The following CLASRP variants were observed in gnomAD, a reference collection of about 807,000 sequenced individuals.
CLASRP encodes the protein CLK4 associating serine/arginine rich protein, also known as CLK4-associating serine/arginine rich protein.
Under a neutral mutation model 99.9 loss-of-function variants are expected in CLASRP, and 52 were observed. The observed-to-expected ratio is 0.52, with a 90% confidence interval of 0.42 to 0.66. The LOEUF (loss-of-function observed/expected upper bound fraction) is 0.66, where lower values mean the gene tolerates loss of function less well. Ranked by LOEUF, CLASRP falls within the 30% of genes least tolerant of loss-of-function variation. The probability of loss-of-function intolerance (pLI) is 0.00; values close to 1 mark genes in which losing one functional copy is unlikely to be tolerated. For missense variants in CLASRP, 848 were observed against 999.2 expected (o/e 0.85, Z 2.04); for synonymous variants, 379 against 373.0 (o/e 1.02, Z -0.18).
rs558359134 is a variant in CLASRP at position 45,044,483 on chromosome 19, C to T, written c.99+4172C>T. Among the ~76,000 whole-genome samples, 105 of 152,286 alleles carry T rather than the reference C, an allele frequency of 6.9e-4. 1 individual carries two copies. In the South Asian group the frequency reaches 0.02, roughly 29 times the overall value. On this transcript the variant is annotated intron_variant, in intron 2 of 20. Transcript: ENST00000221455. ...GGCTTACAGTCACATAGCATGAGGG[C>T]AGAGCTGGCACTATAACCCAGTCTC... is the stretch of plus-strand genomic sequence containing the variant.
At chr19:45,066,063 G>C (rs1321688519) in intron 13 of CLASRP, among the ~76,000 whole-genome samples, 1 of 152,140 alleles carries the variant, frequency 6.6e-6, no homozygotes. Flanking sequence ...GTGTCACCCA[G>C]TCTTTCTAGT....
chr19:45,070,564 A>G lies in CLASRP; in HGVS notation c.1982+3A>G, dbSNP rs774732805. ...CGAGAATACAGCTCTTCTCGAAGGT[A>G]AGGAAGCCCATGACCCTCCACTTTC... On this transcript the variant is annotated splice_donor_region_variant and intron_variant, in intron 20 of 20. Transcript: ENST00000221455. The G allele has an allele frequency of 4.3e-6, 7 of 1,613,244 alleles. No homozygotes were observed. The South Asian group carries it at 4.4e-5, about 10-fold the overall frequency.
At chr19:45,061,346 C>T (rs1453557159) in intron 10 of CLASRP, among the ~76,000 whole-genome samples, 1 of 152,208 alleles carries the variant, frequency 6.6e-6, no homozygotes, top group Non-Finnish European at 1.5e-5. Flanking sequence ...GCAGGAACGC[C>T]CAGGCTGGGT....
At chr19:45,044,885 T>C (rs916376055) in intron 2 of CLASRP, among the ~76,000 whole-genome samples, 3 of 152,298 alleles carry the variant, frequency 2.0e-5, no homozygotes, top group South Asian at 2.1e-4. Flanking sequence ...ATCCCACTTA[T>C]CTATAGTGTG....
At chr19:45,070,617 G>T (rs957820561) in intron 20 of CLASRP, 56 bp downstream of exon 20, 2 of 1,534,146 alleles carry the variant, frequency 1.3e-6, no homozygotes, top group African/African-American at 2.7e-5. Context: ...CCTTTGATGG[G>T]AGGTCCTGGC....
chr19:45,058,688 T>G (rs1972168333), intron 7 of CLASRP, among the ~76,000 whole-genome samples: 1 of 152,084 alleles, frequency 6.6e-6, no homozygotes, highest in Admixed American at 6.6e-5. Flanking sequence ...CTCAGCCCAG[T>G]AGCTGGCTCT....
At chr19:45,069,161 G>C (rs1394426804) in intron 17 of CLASRP, 37 bp downstream of exon 17, 2 of 1,614,028 alleles carry the variant, frequency 1.2e-6, no homozygotes, top group South Asian at 1.1e-5. Flanking sequence ...TGACGGGTGG[G>C]TGCTGGCCTG....
intron 13 of CLASRP, among the ~76,000 whole-genome samples, chr19:45,065,837 A>G (rs897641953): frequency 6.6e-5 from 10 of 152,210 alleles, no homozygotes; most frequent in African/African-American, 2.4e-4. Context: ...GAGGTGTAAC[A>G]GGTAAACCCA....
chr19:45,069,220 C>G lies in CLASRP; in HGVS notation c.1846C>G (p.Arg616Gly). ...GCTGCAGGAGCGGGAAGACGAGCTT[C>G]GAGCCATGGCCCGCAAGATCCGCAT... ...HERQEREDEL[R>G]AMARKIRMKE... Residue 616 changes from arginine to glycine, a missense_variant, in exon 18 of 21, where the codon CGA becomes GGA. Around this residue, in one of 8 missense-constraint regions of CLASRP, gnomAD observed 116 missense variants for 162.7 expected, o/e 0.71. Coordinates refer to ENST00000221455, the MANE Select transcript of CLASRP (RefSeq NM_007056.3). The G allele has an allele frequency of 6.2e-7, 1 of 1,613,888 alleles. No homozygotes were observed. Among genetic ancestry groups the G allele is most frequent in the Non-Finnish European group, 8.5e-7 (1 of 1,180,008 alleles).
intron 2 of CLASRP, among the ~76,000 whole-genome samples, chr19:45,045,271 T>C (rs1281386481): frequency 6.6e-6 from 1 of 152,186 alleles, no homozygotes; most frequent in Non-Finnish European, 1.5e-5. Flanking sequence ...ATCCCAGCAC[T>C]TCGGGAGGCC....
chr19:45,062,391 T>C (rs947296826), intron 11 of CLASRP, among the ~76,000 whole-genome samples, 196 bp downstream of exon 11: 16 of 152,224 alleles, frequency 1.1e-4, no homozygotes, highest in African/African-American at 3.9e-4. Context: ...TAAAATTTTT[T>C]TTTTGAGACG....
rs143800882 is a variant in CLASRP at position 45,057,849 on chromosome 19, G to A, written c.564G>A (p.Ala188=). ...AAAAGCCAGAGGAGGAGGAGTCAGCGGCCGAGGAGGAGAGCAACTCGGACG... is the reference window on the plus strand; with the variant it reads ...AAAAGCCAGAGGAGGAGGAGTCAGCAGCCGAGGAGGAGAGCAACTCGGACG... ...AAEKPEEEES[A]AEEESNSDED... Residue 188 remains alanine (A), a synonymous_variant, in exon 7 of 21, where the codon GCG becomes GCA. Transcript: ENST00000221455. 2.5e-4 allele frequency: 410 copies of A among 1,614,012 alleles called. 2 individuals are homozygous for A. The African/African-American group carries it at 4.7e-3, about 19-fold the overall frequency.
chr19:45,064,403 C>T lies in CLASRP; in HGVS notation c.1182C>T (p.Ser394=), dbSNP rs1967024849. The part of the protein sequence containing the change: ...SSASRTSSSR[S]SSRSSSRSRR... Reference sequence around the variant, plus strand: ...CCTCGAGGACCTCCAGCTCCCGCTCCAGCTCTCGCTCCAGCTCCCGCTCTC... The same window carrying T: ...CCTCGAGGACCTCCAGCTCCCGCTCTAGCTCTCGCTCCAGCTCCCGCTCTC... The change falls in exon 13 of 21, where the codon TCC becomes TCT. Residue 394 remains serine (S), a synonymous_variant. Transcript: ENST00000221455. 6.5e-7 allele frequency: 1 copy of T among 1,529,896 alleles called. No homozygotes were observed. The allele number at this position is 1,529,896 out of a possible 1,614,324, so 94.8% of individuals were successfully genotyped here.
chr19:45,041,947 C>T (rs1054913783), intron 2 of CLASRP, among the ~76,000 whole-genome samples: 3 of 152,234 alleles, frequency 2.0e-5, no homozygotes, highest in African/African-American at 7.2e-5. Context: ...GATCTCAGTC[C>T]TCAGAGAAGT....
intron 2 of CLASRP, among the ~76,000 whole-genome samples, chr19:45,046,535 G>T (rs1970478699): frequency 6.6e-6 from 1 of 152,184 alleles, no homozygotes; most frequent in Non-Finnish European, 1.5e-5. Context: ...GTCCACTCTA[G>T]GTTGTCCTTG....
rs147314692 is a variant in CLASRP at position 45,070,304 on chromosome 19, T to TACACACACAC, written c.1957+208_1958-216dup. Among the ~76,000 whole-genome samples, 519 of 150,826 alleles carry TACACACACAC rather than the reference T, an allele frequency of 3.4e-3. 2 individuals are homozygous for TACACACACAC. The highest frequency in any genetic ancestry group is 0.012 in the African/African-American group (493 of 41,254). ...TGACCAACATGGTGACACACATACG[T>TACACACACAC]ACACACACACACACACAGATTGCTT... On this transcript the variant is annotated intron_variant, in intron 19 of 20. Transcript: ENST00000221455.
rs564518565 is a variant in CLASRP, at chr19:45,049,027, C to T, written c.100-3044C>T. ...TAGTATGTTTCTTCCATGGTTGGGA[C>T]ATTCGAGTGAGACAGTGCACATAAA... is the stretch of plus-strand genomic sequence containing the variant. On this transcript the variant is annotated intron_variant, in intron 2 of 20. Coordinates refer to ENST00000221455, the MANE Select transcript of CLASRP (RefSeq NM_007056.3). 3.3e-5 allele frequency among the ~76,000 whole-genome samples: 5 copies of T among 152,286 alleles called. No homozygotes were observed. The South Asian group carries it at 1.0e-3, about 32-fold the overall frequency.
intron 7 of CLASRP, 103 bp from the exon 8 acceptor site, chr19:45,059,165 C>T (rs1966884737): frequency 1.1e-6 from 1 of 903,636 alleles, no homozygotes; most frequent in African/African-American, 1.6e-5. Flanking sequence ...AAGAATCCCT[C>T]AGTCTGGCGG....
chr19:45,047,258 G>A (rs1379974127), intron 2 of CLASRP, among the ~76,000 whole-genome samples: 3 of 152,046 alleles, frequency 2.0e-5, no homozygotes, highest in Non-Finnish European at 4.4e-5. Context: ...TATGCTAAGT[G>A]AAATAAGCCA....
Sources: allele counts gnomAD v4.1 joint callset (sites outside exome capture counted in the v4.1 genomes callset), GRCh38; gene constraint gnomAD v4.1.1; regional missense constraint gnomAD v4.1.1; transcripts MANE v1.5; gene names NCBI Gene and HGNC (gene_info 2026-07-23, HGNC 2026-07-21).